The following PCDH15 variants were observed in gnomAD, a reference collection of about 807,000 sequenced individuals.
PCDH15 encodes the protein protocadherin-15.
Under a neutral mutation model 178.5 loss-of-function variants are expected in PCDH15, and 129 were observed. The ratio of observed to expected loss-of-function variants is 0.72; its 90% CI spans 0.63 to 0.84. PCDH15 has a LOEUF of 0.84. Ranked by LOEUF, PCDH15 falls within the 40% of genes least tolerant of loss-of-function variation. PCDH15 has a pLI of 0.00. For synonymous variants in PCDH15, 800 were observed against 732.0 expected (o/e 1.09, Z -1.50); for missense variants, 2,230 against 2,099.9 (o/e 1.06, Z -1.21).
chr10:54,250,267 CTTT>C (rs765895227), intron 8 of PCDH15, among the ~76,000 whole-genome samples: 1,049 of 83,942 alleles, frequency 0.012, 6 homozygotes, highest in African/African-American at 0.05. Context: ...TATGCTATTA[CTTT>C]TTTTTTTTTT....
At chr10:54,177,499 T>C (rs980810855) in intron 13 of PCDH15, among the ~76,000 whole-genome samples, 2 of 152,066 alleles carry the variant, frequency 1.3e-5, no homozygotes, top group African/African-American at 4.8e-5. Context: ...GTGTTAATAT[T>C]GGGGCAGGTA....
At chr10:54,532,862 C>G (rs946462990) in intron 2 of PCDH15, among the ~76,000 whole-genome samples, 4 of 152,054 alleles carry the variant, frequency 2.6e-5, no homozygotes, top group Non-Finnish European at 5.9e-5. Flanking sequence ...ACTCCAGTCT[C>G]CTCCCACATC....
rs200319696 is a variant in PCDH15, at chr10:54,306,145, T to A, written c.876+11126A>T. Among the ~76,000 whole-genome samples the A allele has an allele frequency of 8.2e-4, 125 of 151,834 alleles. 1 individual carries two copies. The East Asian group carries it at 9.5e-3, about 12-fold the overall frequency. On this transcript the variant is annotated intron_variant, in intron 8 of 37. Transcript: ENST00000644397. Reference sequence around the variant, plus strand: ...TAGTAAGACTCCAGGAAAAAAAAAATTTGATGGTTTGATTATATATTTGCT... The same window carrying A: ...TAGTAAGACTCCAGGAAAAAAAAAAATTGATGGTTTGATTATATATTTGCT...
chr10:54,794,506 ACAC>A (rs1951767648), intron 1 of PCDH15, among the ~76,000 whole-genome samples: 1 of 151,876 alleles, frequency 6.6e-6, no homozygotes, highest in South Asian at 2.1e-4. Flanking sequence ...AAATATTAGC[ACAC>A]CAATGCAACT....
chr10:53,933,401 C>T (rs1461125635), intron 25 of PCDH15, among the ~76,000 whole-genome samples: 1 of 151,262 alleles, frequency 6.6e-6, no homozygotes, highest in African/African-American at 2.4e-5. Flanking sequence ...TCAATTCCCA[C>T]CTATGAGTGA....
chr10:53,980,116 G>A (rs911453273), intron 21 of PCDH15, among the ~76,000 whole-genome samples: 1 of 151,766 alleles, frequency 6.6e-6, no homozygotes, highest in African/African-American at 2.4e-5. Context: ...AGCTACTTGG[G>A]AGGCTGAGGT....
At chr10:54,471,119 A>C (rs1380912058) in intron 3 of PCDH15, among the ~76,000 whole-genome samples, 2 of 152,228 alleles carry the variant, frequency 1.3e-5, no homozygotes, top group Admixed American at 1.3e-4. Flanking sequence ...GTATTGTACA[A>C]TATAGTTTTA....
intron 2 of PCDH15, among the ~76,000 whole-genome samples, chr10:54,650,855 C>T (rs2094243401): frequency 6.6e-6 from 1 of 152,100 alleles, no homozygotes; most frequent in African/African-American, 2.4e-5. Flanking sequence ...CCACCAGTTC[C>T]CTCCTAGAGC....
At chr10:55,246,591 T>C (rs1209319848) in intron 1 of PCDH15, among the ~76,000 whole-genome samples, 1 of 152,196 alleles carries the variant, frequency 6.6e-6, no homozygotes, top group Non-Finnish European at 1.5e-5. Flanking sequence ...TTGTTTCTAA[T>C]CTAACTGTAT....
intron 3 of PCDH15, among the ~76,000 whole-genome samples, chr10:54,423,935 A>G (rs1955884217): frequency 6.6e-6 from 1 of 151,934 alleles, no homozygotes; most frequent in Admixed American, 6.5e-5. Context: ...AGGCAATACC[A>G]TTCAGGACAT....
chr10:54,045,917 T>C (rs1321966592), intron 18 of PCDH15, among the ~76,000 whole-genome samples: 1 of 151,996 alleles, frequency 6.6e-6, no homozygotes, highest in African/African-American at 2.4e-5. Flanking sequence ...ATGGGAGAAA[T>C]GTTTGAAACA....
At position 55,551,546 on chromosome 10, in the gene PCDH15, C is replaced by G. The variant is rs183890472; in HGVS notation, c.-156+76079G>C. On this transcript the variant is annotated intron_variant, in intron 2 of 5. Transcript: ENST00000613346. ...CATGTAACATTTGAAATCAGCTTGT[C>G]AAAAATATTTAATGATGTGTTTCCC... Among the ~76,000 whole-genome samples the G allele has an allele frequency of 2.6e-5, 4 of 151,632 alleles. No individual in the cohort carries two copies. The East Asian group carries it at 7.8e-4, about 29-fold the overall frequency.
chr10:53,806,770 C>A lies in PCDH15; in HGVS notation c.5032G>T (p.Val1678Leu). 6.2e-7 allele frequency: 1 copy of A among 1,613,848 alleles called. No individual in the cohort carries two copies. ...PTLVTFAPCP[V>L]GTDNTAVKPL... is the part of the protein sequence containing the mutation. ...TTCACCGCTGTATTGTCAGTCCCCA[C>A]AGGGCAAGGGGCAAATGTAACCAGA... The change falls in exon 38 of 38, where the codon GTG (valine) becomes TTG (leucine). Residue 1678 changes from valine to leucine, a missense_variant. Coordinates refer to ENST00000644397, the MANE Select transcript of PCDH15 (RefSeq NM_001384140.1).
intron 8 of PCDH15, among the ~76,000 whole-genome samples, chr10:54,313,803 G>A (rs2061054990): frequency 1.3e-5 from 2 of 152,048 alleles, no homozygotes; most frequent in South Asian, 2.1e-4. Flanking sequence ...CTGGTCTCTA[G>A]CATTAAACTG....
intron 2 of PCDH15, among the ~76,000 whole-genome samples, chr10:55,379,069 A>C (rs1319190444): frequency 6.6e-6 from 1 of 151,898 alleles, no homozygotes; most frequent in Non-Finnish European, 1.5e-5. Flanking sequence ...TTCTAAAACA[A>C]ACTTGTAATG....
Position 55,597,937 on chromosome 10 carries a change from T to C in PCDH15, c.-156+29688A>G, listed in dbSNP as rs1842967923. ...TATGAATTCTCAGTAAAATTACACA[T>C]ACAAGCATCCCCGCCCCAGTGAGAA... On this transcript the variant is annotated intron_variant, in intron 2 of 5. Transcript: ENST00000613346. 1.3e-5 allele frequency among the ~76,000 whole-genome samples: 2 copies of C among 152,054 alleles called. 1 individual carries two copies. Among genetic ancestry groups the C allele is most frequent in the Non-Finnish European group, 2.9e-5 (2 of 68,024 alleles).
intron 1 of PCDH15, among the ~76,000 whole-genome samples, chr10:54,772,276 G>A (rs1336194): frequency 0.48 from 72,608 of 151,896 alleles, 17,804 homozygotes; most frequent in East Asian, 0.64. Flanking sequence ...TTAAATGCAC[G>A]TTCTCAGGCA....
In PCDH15 at chr10:55,282,354, T is replaced by C. The variant is rs561194235; in HGVS notation, c.-156+37245A>G. Among the ~76,000 whole-genome samples, 58 of 152,322 alleles carry C rather than the reference T, an allele frequency of 3.8e-4. No individual in the cohort carries two copies. The South Asian group carries it at 0.012, about 32-fold the overall frequency. On this transcript the variant is annotated intron_variant, in intron 1 of 5. Coordinates refer to the PCDH15 transcript ENST00000458638. ...CTCTCTCTTAATTTCCAAAGCTCAG[T>C]TCAAATATCATTCCTTGATTTAAGA...
intron 2 of PCDH15, among the ~76,000 whole-genome samples, chr10:55,377,070 G>A (rs768637353): frequency 6.2e-4 from 92 of 149,278 alleles, no homozygotes; most frequent in African/African-American, 2.0e-3. Context: ...TAGAATATTA[G>A]TTCATATATT....
Sources: gnomAD v4.1 joint callset for allele counts (sites outside exome capture counted in the v4.1 genomes callset) on GRCh38, gnomAD v4.1.1 for gene constraint, MANE v1.5 for transcripts, NCBI Gene and HGNC (gene_info 2026-07-23, HGNC 2026-07-21) for gene names.